DOCK5: variants seen among roughly 807,000 people sequenced by gnomAD.
DOCK5 encodes dedicator of cytokinesis 5.
DOCK5 carries 142 observed loss-of-function variants against 251.8 expected under a neutral mutation model. The observed-to-expected ratio is 0.56, with a 90% CI of 0.49 to 0.65. DOCK5 has a LOEUF of 0.65. Ranked by LOEUF, DOCK5 falls within the 30% of genes least tolerant of loss-of-function variation. DOCK5 has a pLI of 0.00. For synonymous variants in DOCK5, 842 were observed against 835.5 expected (o/e 1.01, Z -0.13); for missense variants, 2,111 against 2,312.3 (o/e 0.91, Z 1.79).
chr8:25,370,674 T>G (rs1178368155), intron 34 of DOCK5, among the ~76,000 whole-genome samples: 2 of 152,202 alleles, frequency 1.3e-5, no homozygotes, highest in Non-Finnish European at 2.9e-5. Context: ...CAGCTGTTTC[T>G]TATTTTTACT....
At chr8:25,246,230 C>T (rs1477661964) in intron 2 of DOCK5, among the ~76,000 whole-genome samples, 9 of 152,148 alleles carry the variant, frequency 5.9e-5, no homozygotes, top group Non-Finnish European at 1.0e-4. Flanking sequence ...AAATGCTGCT[C>T]AGCTTCTCAG....
At chr8:25,283,629 T>C (rs543877946) in intron 5 of DOCK5, among the ~76,000 whole-genome samples, 20 of 74,944 alleles carry the variant, frequency 2.7e-4, no homozygotes, top group African/African-American at 5.5e-4. Flanking sequence ...ATAGCTTCTC[T>C]CTTACCCGAC....
intron 1 of DOCK5, among the ~76,000 whole-genome samples, chr8:25,214,750 C>T (rs1454612842): frequency 6.6e-6 from 1 of 152,140 alleles, no homozygotes; most frequent in African/African-American, 2.4e-5. Flanking sequence ...ACAAACCACG[C>T]ACTTTATCAT....
chr8:25,359,530 C>T (rs1291507418), intron 28 of DOCK5, among the ~76,000 whole-genome samples: 1 of 152,210 alleles, frequency 6.6e-6, no homozygotes, highest in Non-Finnish European at 1.5e-5. Flanking sequence ...GGCCGCACAG[C>T]AGGACATGAG....
At chr8:25,186,140 G>GT (rs1258337449) in intron 1 of DOCK5, among the ~76,000 whole-genome samples, 1 of 151,926 alleles carries the variant, frequency 6.6e-6, no homozygotes, top group Non-Finnish European at 1.5e-5. Flanking sequence ...AGGAGTCAGG[G>GT]TTTTTTGTTG....
Position 25,408,039 on chromosome 8 carries a change from ATCTG to A in DOCK5, c.5153_5156del (p.Leu1718ProfsTer21). ...GCCTCGTCAGGTGCCAGAGTTGAAG[ATCTG>A]TCCCTTAGAGAGGAGAACAGCGAGA... On this transcript the variant is annotated frameshift_variant, in exon 49 of 52. Transcript: ENST00000276440. LOFTEE classifies it high-confidence loss of function. The A allele has an allele frequency of 6.2e-7, 1 of 1,612,216 alleles. No homozygotes were observed. The highest frequency in any genetic ancestry group is 1.7e-5 in the Admixed American group (1 of 59,810).
At chr8:25,269,785 G>C (rs1803857713) in intron 3 of DOCK5, among the ~76,000 whole-genome samples, 1 of 152,186 alleles carries the variant, frequency 6.6e-6, no homozygotes, top group African/African-American at 2.4e-5. Context: ...TAGTTCACAT[G>C]CCAAATAGCA....
intron 1 of DOCK5, among the ~76,000 whole-genome samples, chr8:25,189,517 C>T (rs1039523821): frequency 1.3e-5 from 2 of 152,126 alleles, no homozygotes; most frequent in Non-Finnish European, 2.9e-5. Context: ...CGTGCCACCA[C>T]AACCAGTTGA....
At chr8:25,240,132 C>T (rs572870422) in intron 1 of DOCK5, among the ~76,000 whole-genome samples, 2 of 152,230 alleles carry the variant, frequency 1.3e-5, no homozygotes, top group South Asian at 4.1e-4. Context: ...TGGATGGCCA[C>T]TCATCAGGCC....
chr8:25,228,160 C>T (rs138810444), intron 1 of DOCK5, among the ~76,000 whole-genome samples: 21 of 152,108 alleles, frequency 1.4e-4, no homozygotes, highest in Non-Finnish European at 2.5e-4. Context: ...TACAGGTGTG[C>T]GCCACCATGC....
intron 7 of DOCK5, among the ~76,000 whole-genome samples, 192 bp downstream of exon 7, chr8:25,296,840 G>A (rs1014723105): frequency 6.6e-6 from 1 of 152,004 alleles, no homozygotes; most frequent in African/African-American, 2.4e-5. Flanking sequence ...AGATCGCAAA[G>A]ATACGTATTA....
At chr8:25,232,412 C>T (rs1400575588) in intron 1 of DOCK5, among the ~76,000 whole-genome samples, 1 of 152,216 alleles carries the variant, frequency 6.6e-6, no homozygotes, top group African/African-American at 2.4e-5. Flanking sequence ...GGCTACATGT[C>T]TAAGTCTATT....
intron 1 of DOCK5, among the ~76,000 whole-genome samples, chr8:25,210,008 T>TTA (rs375221561): frequency 0.052 from 1,420 of 27,168 alleles, 345 homozygotes; most frequent in African/African-American, 0.11. Context: ...CCCCGGCTAA[T>TTA]TATATATATA....
intron 1 of DOCK5, among the ~76,000 whole-genome samples, chr8:25,208,691 G>A (rs763516215): frequency 2.6e-5 from 4 of 152,162 alleles, no homozygotes; most frequent in Non-Finnish European, 2.9e-5. Flanking sequence ...TATAGGCACA[G>A]GGGAACCGAA....
intron 6 of DOCK5, among the ~76,000 whole-genome samples, chr8:25,294,498 T>A (rs1161001405): frequency 2.0e-5 from 3 of 152,156 alleles, no homozygotes; most frequent in African/African-American, 7.2e-5. Context: ...CTCAACTTCT[T>A]GAGCCTAAGC....
chr8:25,407,864 CAAAAAAAA>C (rs10606113), intron 48 of DOCK5, 111 bp from the exon 49 acceptor site: 2,668 of 980,150 alleles, frequency 2.7e-3, no homozygotes, highest in South Asian at 5.9e-3. Context: ...GACCCTGTCT[CAAAAAAAA>C]AAAAAAAAAA....
chr8:25,192,529 A>G (rs1303365464), intron 1 of DOCK5, among the ~76,000 whole-genome samples: 2 of 152,166 alleles, frequency 1.3e-5, no homozygotes, highest in African/African-American at 2.4e-5. Context: ...TTTAAGAGAT[A>G]GGGTCTCACT....
At chr8:25,396,777 T>TCC (rs1452259656) in intron 45 of DOCK5, among the ~76,000 whole-genome samples, 2 of 74,456 alleles carry the variant, frequency 2.7e-5, no homozygotes, top group East Asian at 8.2e-4. Flanking sequence ...TGTGTGTGTG[T>TCC]GTGTGTGTGT....
chr8:25,279,438 C>T (rs1804130367), intron 5 of DOCK5, among the ~76,000 whole-genome samples: 1 of 151,920 alleles, frequency 6.6e-6, no homozygotes. Context: ...AAGTCTGCCT[C>T]ATCTCCAGTG....
Sources: gnomAD v4.1 joint callset for allele counts (sites outside exome capture counted in the v4.1 genomes callset) on GRCh38, gnomAD v4.1.1 for gene constraint, MANE v1.5 for transcripts, NCBI Gene and HGNC (gene_info 2026-07-23, HGNC 2026-07-21) for gene names.